Variants in MALRD1 observed in about 807,000 individuals in gnomAD.
MALRD1 encodes MAM and LDL-receptor class A domain-containing protein 1.
Under a neutral mutation model 242.1 loss-of-function variants are expected in MALRD1, and 247 were observed. The ratio of observed to expected loss-of-function variants is 1.02; its 90% CI spans 0.92 to 1.13. MALRD1 has a LOEUF of 1.13. Ranked by LOEUF, MALRD1 falls within the 50% of genes most tolerant of loss-of-function variation. The pLI, the probability that MALRD1 is intolerant of heterozygous loss-of-function variation, is 0.00. For missense variants in MALRD1, 2,989 were observed against 2,533.1 expected, an observed-to-expected ratio of 1.18 and a Z score of -3.86; for synonymous variants, 995 against 866.6, an observed-to-expected ratio of 1.15 and a Z score of -2.60.
intron 33 of MALRD1, among the ~76,000 whole-genome samples, chr10:19,577,258 T>C (rs569399328): frequency 2.0e-5 from 3 of 152,160 alleles, no homozygotes; most frequent in South Asian, 2.1e-4. Context: ...TATTGGATTA[T>C]AGAATATTAT....
intron 18 of MALRD1, among the ~76,000 whole-genome samples, chr10:19,242,344 A>C (rs1230492226): frequency 1.3e-5 from 2 of 152,118 alleles, no homozygotes; most frequent in Non-Finnish European, 2.9e-5. Flanking sequence ...CACAACATGT[A>C]TGAATTATGG....
intron 24 of MALRD1, among the ~76,000 whole-genome samples, chr10:19,338,411 G>T (rs1843700286): frequency 1.4e-5 from 2 of 148,064 alleles, no homozygotes; most frequent in African/African-American, 5.2e-5. Context: ...TCATGTATTT[G>T]GAATCATACA....
intron 17 of MALRD1, among the ~76,000 whole-genome samples, 175 bp downstream of exon 17, chr10:19,205,440 T>C (rs574852836): frequency 1.3e-5 from 2 of 151,226 alleles, no homozygotes; most frequent in Non-Finnish European, 2.9e-5. Context: ...ATTTATTAGA[T>C]ACTAGATACT....
chr10:19,112,797 T>TGA (rs1460971425), intron 5 of MALRD1, among the ~76,000 whole-genome samples: 2 of 152,174 alleles, frequency 1.3e-5, no homozygotes, highest in African/African-American at 2.4e-5. Context: ...AATAAGCAAA[T>TGA]ATATTTGCTA....
rs1358461170 is a variant in MALRD1 at position 19,567,683 on chromosome 10, C to T, written c.5660C>T (p.Thr1887Ile). Residue 1887 changes from threonine to isoleucine, a missense_variant, in exon 33 of 40, where the codon ACC becomes ATC. Physicochemically the swap from Thr to Ile is moderately conservative, Grantham distance 89 (BLOSUM62 -1). Coordinates refer to ENST00000454679, the MANE Select transcript of MALRD1 (RefSeq NM_001142308.3). ...IFIALDDISF[T>I]PECVTGGPVP... is the part of the protein sequence containing the mutation. ...ATTGCTCTTGATGACATCTCTTTTA[C>T]CCCAGAGTGTGTGACTGGAGGTAAG... The T allele has an allele frequency of 1.3e-6, 2 of 1,550,430 alleles. No individual in the cohort carries two copies. Among genetic ancestry groups the T allele is most frequent in the Non-Finnish European group, 8.7e-7 (1 of 1,146,808 alleles).
At chr10:19,612,238 A>G (rs963305069) in intron 35 of MALRD1, among the ~76,000 whole-genome samples, 1 of 151,962 alleles carries the variant, frequency 6.6e-6, no homozygotes, top group Non-Finnish European at 1.5e-5. Context: ...CAGTCAAACC[A>G]GCAAATTCCT....
At chr10:19,103,605 C>A (rs557134229) in intron 4 of MALRD1, among the ~76,000 whole-genome samples, 3 of 148,412 alleles carry the variant, frequency 2.0e-5, no homozygotes, top group Non-Finnish European at 4.5e-5. Flanking sequence ...AGATGGGACA[C>A]AATTGCAAAA....
chr10:19,449,859 G>C (rs2131035371), intron 28 of MALRD1, among the ~76,000 whole-genome samples: 1 of 152,090 alleles, frequency 6.6e-6, no homozygotes, highest in Non-Finnish European at 1.5e-5. Context: ...AGGGGAGGGG[G>C]AAGAAAAAAG....
intron 19 of MALRD1, among the ~76,000 whole-genome samples, chr10:19,263,721 T>C (rs1031722507): frequency 6.6e-6 from 1 of 152,178 alleles, no homozygotes; most frequent in African/African-American, 2.4e-5. Flanking sequence ...TCTTGTCACT[T>C]TTTTTATTGA....
intron 13 of MALRD1, among the ~76,000 whole-genome samples, chr10:19,168,862 C>A (rs1204764702): frequency 1.3e-5 from 2 of 152,086 alleles, no homozygotes; most frequent in South Asian, 2.1e-4. Flanking sequence ...ATTGAATTCA[C>A]CCCAGAGAAG....
chr10:19,620,216 G>A (rs1009475468), intron 36 of MALRD1, among the ~76,000 whole-genome samples: 1 of 151,884 alleles, frequency 6.6e-6, no homozygotes, highest in African/African-American at 2.4e-5. Context: ...ACAGGTACAT[G>A]TGTAGGTTTG....
At chr10:19,231,819 ACC>A (rs1036639555) in intron 18 of MALRD1, among the ~76,000 whole-genome samples, 33 of 150,348 alleles carry the variant, frequency 2.2e-4, no homozygotes, top group African/African-American at 7.8e-4. Context: ...AAGTCGGATC[ACC>A]GAGTCCCGCT....
chr10:19,294,734 G>A (rs1319838177), intron 21 of MALRD1, among the ~76,000 whole-genome samples: 1 of 152,052 alleles, frequency 6.6e-6, no homozygotes, highest in Non-Finnish European at 1.5e-5. Flanking sequence ...AATACAATGG[G>A]TAAAAACCAT....
At chr10:19,600,660 C>A (rs1405310898) in intron 34 of MALRD1, among the ~76,000 whole-genome samples, 1 of 152,064 alleles carries the variant, frequency 6.6e-6, no homozygotes, top group Non-Finnish European at 1.5e-5. Flanking sequence ...CATCCATAGT[C>A]TTACATATTC....
chr10:19,342,037 T>TG (rs1283092086), intron 24 of MALRD1, among the ~76,000 whole-genome samples: 3 of 152,126 alleles, frequency 2.0e-5, no homozygotes, highest in South Asian at 2.1e-4. Flanking sequence ...TGATGAATTC[T>TG]GGGGGAGAAG....
intron 36 of MALRD1, among the ~76,000 whole-genome samples, chr10:19,661,925 T>C (rs2131735097): frequency 6.6e-6 from 1 of 152,258 alleles, no homozygotes; most frequent in South Asian, 2.1e-4. Flanking sequence ...TTAAACACCA[T>C]GGCTAACACC....
chr10:19,153,305 A>G (rs12762251), intron 11 of MALRD1, among the ~76,000 whole-genome samples: 25,997 of 152,212 alleles, frequency 0.17, 2,894 homozygotes, highest in Admixed American at 0.26. Context: ...TCCTATTTTC[A>G]TCCATTTTAT....
Position 19,597,629 on chromosome 10 carries a change from A to G in MALRD1, c.5944+2172A>G, listed in dbSNP as rs1358554143. Reference sequence around the variant, plus strand: ...ATTAAGATCCTAACTGATGCCACATATTATGTTACACATTGATGAGACAGA... The same window carrying G: ...ATTAAGATCCTAACTGATGCCACATGTTATGTTACACATTGATGAGACAGA... On this transcript the variant is annotated intron_variant, in intron 34 of 39. Coordinates refer to ENST00000454679, the MANE Select transcript of MALRD1 (RefSeq NM_001142308.3). Among the ~76,000 whole-genome samples, 4 of 152,208 alleles carry G rather than the reference A, an allele frequency of 2.6e-5. No individual in the cohort carries two copies. The East Asian group carries it at 7.7e-4, about 29-fold the overall frequency.
intron 19 of MALRD1, among the ~76,000 whole-genome samples, chr10:19,258,470 CA>C (rs2131810144): frequency 6.6e-6 from 1 of 152,242 alleles, no homozygotes; most frequent in East Asian, 1.9e-4. Context: ...AAGTGCACGA[CA>C]AGAGGGAACA....
Sources: allele counts gnomAD v4.1 joint callset (sites outside exome capture counted in the v4.1 genomes callset), GRCh38; gene constraint gnomAD v4.1.1; transcripts MANE v1.5; gene names NCBI Gene and HGNC (gene_info 2026-07-23, HGNC 2026-07-21).